The following AIFM1 variants were observed in gnomAD, a reference collection of about 807,000 sequenced individuals.
AIFM1 encodes the protein apoptosis-inducing factor 1, mitochondrial.
AIFM1 carries 3 observed loss-of-function variants against 51.7 expected under a neutral mutation model. The observed-to-expected ratio is 0.06, with a 90% CI of 0.03 to 0.15. AIFM1 has a LOEUF of 0.15. Ranked by LOEUF, AIFM1 falls within the 10% of genes least tolerant of loss-of-function variation. The pLI, the probability that AIFM1 is intolerant of heterozygous loss-of-function variation, is 1.00. For synonymous variants in AIFM1, 178 were observed against 179.4 expected, an observed-to-expected ratio of 0.99 and a Z score of 0.06; for missense variants, 330 against 476.8, an observed-to-expected ratio of 0.69 and a Z score of 2.87.
At chrX:130,149,948 G>C (rs1205594196) in intron 2 of AIFM1, among the ~76,000 whole-genome samples, 1 of 112,150 alleles carries the variant, frequency 8.9e-6, no homozygotes, top group Non-Finnish European at 1.9e-5. Flanking sequence ...GACTACGCTG[G>C]ACACTAGCTG....
chrX:130,151,838 C>T (rs1440581577), intron 2 of AIFM1, among the ~76,000 whole-genome samples: 2 of 110,873 alleles, frequency 1.8e-5, no homozygotes, highest in East Asian at 2.8e-4. Flanking sequence ...GCCAGGAGTT[C>T]GAGACTAGCC....
At chrX:130,153,636 G>C (rs2031072548) in intron 2 of AIFM1, among the ~76,000 whole-genome samples, 2 of 110,821 alleles carry the variant, frequency 1.8e-5, no homozygotes, top group African/African-American at 6.6e-5. Context: ...CTTAAGGGTG[G>C]GGCCCTAATC....
intron 1 of AIFM1, 131 bp from the exon 2 acceptor site, chrX:130,156,734 AT>A (rs1164625443): frequency 4.1e-6 from 3 of 735,640 alleles, no homozygotes; most frequent in Non-Finnish European, 6.1e-6. Context: ...ATCAAGAAAA[AT>A]ATCATCAAAA....
rs1569419674 is a variant in AIFM1 at position 130,145,568 on chromosome X, T to C, written c.607A>G (p.Ile203Val). ...TAGAAAGAAGGTGGCTGGAAATATA[T>C]GCTGTATGGAGAAGAGAGGGAGAAT... ...FKQWNGKERSIYFQPPSFYVS... is the reference protein window; with the variant it reads ...FKQWNGKERSVYFQPPSFYVS... The change falls in exon 6 of 16, where the codon ATA (isoleucine) becomes GTA (valine). Residue 203 changes from isoleucine to valine, a missense_variant and splice_region_variant. Ile to Val is a conservative substitution (Grantham distance 29). This residue lies in a region of AIFM1 where 152 missense variants were observed against 292.8 expected (regional missense o/e 0.52). Coordinates refer to ENST00000287295, the MANE Select transcript of AIFM1 (RefSeq NM_004208.4). The C allele has an allele frequency of 8.5e-7, 1 of 1,176,371 alleles. No homozygotes were observed. Among genetic ancestry groups the C allele is most frequent in the East Asian group, 3.0e-5 (1 of 33,687 alleles).
rs770916538 is a variant in AIFM1, at chrX:130,137,118, G to A, written c.1035C>T (p.Pro345=). Residue 345 remains proline, a synonymous_variant, in exon 10 of 16, where the codon CCC becomes CCT. Transcript: ENST00000287295. ...CCATGGTCCAGTTGCTGAGGTATTCGGGGAGGATCTTTCCCATATTTCCTT... is the reference window on the plus strand; with the variant it reads ...CCATGGTCCAGTTGCTGAGGTATTCAGGGAGGATCTTTCCCATATTTCCTT... ...PEKGNMGKIL[P]EYLSNWTMEK... 4.1e-6 allele frequency: 5 copies of A among 1,211,381 alleles called. No homozygotes were observed. The South Asian group carries it at 5.3e-5, about 13-fold the overall frequency.
At chrX:130,141,898 G>C (rs189455548) in intron 6 of AIFM1, among the ~76,000 whole-genome samples, 2 of 111,863 alleles carry the variant, frequency 1.8e-5, no homozygotes, top group Non-Finnish European at 1.9e-5. Context: ...TATTTGACTA[G>C]CTGCTCCATT....
chrX:130,150,481 G>A lies in AIFM1; in HGVS notation c.250-913C>T, dbSNP rs375802852. On this transcript the variant is annotated intron_variant, in intron 2 of 15. Transcript: ENST00000287295. ...CTCCCAAGTAGCTGGGACTACAGGC[G>A]CCCGCCACTATGCCCGGCTAATTTT... Among the ~76,000 whole-genome samples the A allele has an allele frequency of 4.1e-3, 417 of 100,824 alleles. 1 individual carries two copies. Among genetic ancestry groups the A allele is most frequent in the African/African-American group, 0.014 (390 of 27,782 alleles). 87.6% of individuals were successfully genotyped at this position (100,824 alleles called of 115,157 possible).
At chrX:130,136,538 C>A in intron 11 of AIFM1, 105 bp downstream of exon 11, 2 of 737,898 alleles carry the variant, frequency 2.7e-6, no homozygotes, top group Non-Finnish European at 4.2e-6. Flanking sequence ...TTAATGGCAA[C>A]TGCCAGGAAA....
chrX:130,163,561 G>A (rs1402816362), intron 1 of AIFM1, among the ~76,000 whole-genome samples: 1 of 111,437 alleles, frequency 9.0e-6, no homozygotes, highest in Non-Finnish European at 1.9e-5. Context: ...TTTGGTGCAC[G>A]GCCAAAGGAC....
At chrX:130,146,522 C>T (rs1239748550) in intron 5 of AIFM1, among the ~76,000 whole-genome samples, 1 of 107,957 alleles carries the variant, frequency 9.3e-6, no homozygotes, top group Non-Finnish European at 1.9e-5. Flanking sequence ...AAGTTAGCCA[C>T]TAACTTAATT....
At chrX:130,136,836 G>T in intron 10 of AIFM1, 105 bp from the exon 11 acceptor site, 1 of 1,023,011 alleles carries the variant, frequency 9.8e-7, no homozygotes. Flanking sequence ...CCAATTATCA[G>T]TACACAGGCA....
intron 3 of AIFM1, among the ~76,000 whole-genome samples, chrX:130,149,015 C>T (rs1219261600): frequency 9.9e-6 from 1 of 101,196 alleles, no homozygotes; most frequent in Non-Finnish European, 2.0e-5. Flanking sequence ...TCCGCCACTT[C>T]AGTTCAAGAG....
rs1443469616 is a variant in AIFM1, at chrX:130,145,489, G to T, written c.686C>A (p.Thr229Asn). Reference protein sequence around the residue: ...HIENGGVAVLTGKKVVQLDVR... With the variant: ...HIENGGVAVLNGKKVVQLDVR... ...GGTCTACTAGCTCACCTTCTTCCCA[G>T]TGAGGACAGCCACACCACCATTCTC... Residue 229 changes from threonine to asparagine, a missense_variant, in exon 6 of 16, where the codon ACT (threonine) becomes AAT (asparagine). Physicochemically the swap from Thr to Asn is moderately conservative, Grantham distance 65. Transcript: ENST00000287295. 8.3e-7 allele frequency: 1 copy of T among 1,208,703 alleles called. No individual in the cohort carries two copies. The highest frequency in any genetic ancestry group is 1.7e-5 in the African/African-American group (1 of 57,774).
intron 1 of AIFM1, 143 bp from the exon 2 acceptor site, chrX:130,156,746 C>T: frequency 1.5e-6 from 1 of 679,677 alleles, no homozygotes; most frequent in Non-Finnish European, 2.2e-6. Context: ...ATCATCAAAA[C>T]TGCATATATA....
intron 1 of AIFM1, among the ~76,000 whole-genome samples, chrX:130,157,793 C>T (rs777613809): frequency 2.3e-4 from 25 of 108,087 alleles, no homozygotes; most frequent in African/African-American, 7.8e-4. Context: ...GGTGAAACCC[C>T]GTTAAAAATT....
chrX:130,138,636 C>G lies in AIFM1; in HGVS notation c.924G>C (p.Gly308=). 8.3e-7 allele frequency: 1 copy of G among 1,210,770 alleles called. No individual in the cohort carries two copies. Among genetic ancestry groups the G allele is most frequent in the Non-Finnish European group, 1.1e-6 (1 of 894,970 alleles). ...AGGCCAGTTCGCTACCAAGGAAGCC[C>G]CCACCGATAATCGTAATTGATTTGA... ...REVKSITIIG[G]GFLGSELACA... is the part of the protein sequence containing the mutation. Residue 308 remains glycine (G), a synonymous_variant, in exon 9 of 16, where the codon GGG becomes GGC. Coordinates refer to ENST00000287295, the MANE Select transcript of AIFM1 (RefSeq NM_004208.4).
chrX:130,146,727 G>A (rs2030769099), intron 5 of AIFM1, among the ~76,000 whole-genome samples: 2 of 111,030 alleles, frequency 1.8e-5, no homozygotes, highest in Admixed American at 9.6e-5. Flanking sequence ...CAAGTCTGTC[G>A]TGCAAAAATT....
chrX:130,150,977 C>CAAAAAAAAAAAAAA (rs759870161), intron 2 of AIFM1, among the ~76,000 whole-genome samples: 26 of 27,773 alleles, frequency 9.4e-4, no homozygotes, highest in African/African-American at 1.8e-3. Flanking sequence ...GACTCTGTCT[C>CAAAAAAAAAAAAAA]AAAAAAAAAA....
At chrX:130,156,311 A>T in intron 2 of AIFM1, 150 bp downstream of exon 2, 1 of 634,710 alleles carries the variant, frequency 1.6e-6, no homozygotes, top group Non-Finnish European at 2.5e-6. Flanking sequence ...ATAAGATATT[A>T]GGCAGCAGGC....
Sources: gnomAD v4.1 joint callset for allele counts (sites outside exome capture counted in the v4.1 genomes callset) on GRCh38, gnomAD v4.1.1 for gene constraint, gnomAD v4.1.1 regional missense constraint, MANE v1.5 for transcripts, NCBI Gene and HGNC (gene_info 2026-07-23, HGNC 2026-07-21) for gene names.